The following ANAPC7 variants were observed in gnomAD, a reference collection of about 807,000 sequenced individuals.
ANAPC7 encodes anaphase-promoting complex subunit 7.
A neutral mutation model predicts 63.3 loss-of-function variants in ANAPC7; 25 were observed. The observed-to-expected ratio is 0.39, with a 90% confidence interval of 0.29 to 0.55. The LOEUF (loss-of-function observed/expected upper bound fraction) is 0.55. Among genes scored for constraint, ANAPC7 ranks in the 20% least tolerant of loss-of-function variants. The probability of loss-of-function intolerance (pLI) is 0.57; values close to 1 mark genes in which losing one functional copy is unlikely to be tolerated. For synonymous variants in ANAPC7, 241 were observed against 251.7 expected, an observed-to-expected ratio of 0.96 and a Z score of 0.40; for missense variants, 516 against 691.7, an observed-to-expected ratio of 0.75 and a Z score of 2.85.
In ANAPC7 at chr12:110,377,448, G is replaced by A; in HGVS notation, c.1302C>T (p.Ala434=). 2 of 1,614,096 alleles carry A rather than the reference G, an allele frequency of 1.2e-6. No homozygotes were observed. The highest frequency in any genetic ancestry group is 1.7e-6 in the Non-Finnish European group (2 of 1,180,004). Residue 434 remains alanine (A), a synonymous_variant, in exon 9 of 11, where the codon GCC becomes GCT. Transcript: ENST00000455511. The part of the protein sequence containing the change: ...QEKAKTLLDK[A]LTQRPDYIKA... ...TAATGTAATCTGGCCTTTGGGTCAG[G>A]GCTTTATCTAATAATGTTTTGGCTT...
At chr12:110,386,067 T>C (rs1882422684) in intron 6 of ANAPC7, among the ~76,000 whole-genome samples, 1 of 152,130 alleles carries the variant, frequency 6.6e-6, no homozygotes, top group African/African-American at 2.4e-5. Context: ...GGAGGAGCTA[T>C]GACCCCCTCA....
rs1166549312 is a variant in ANAPC7 at position 110,382,473 on chromosome 12, T to TAC, written c.935+369_935+370insGT. Reference sequence around the variant, plus strand: ...AAAAAAAAAAAAAAATATATATATATATATATATATATATATATATATTTA... The same window carrying TAC: ...AAAAAAAAAAAAAAATATATATATATACATATATATATATATATATATATTTA... On this transcript the variant is annotated intron_variant, in intron 7 of 10. Transcript: ENST00000455511. Among the ~76,000 whole-genome samples the TAC allele has an allele frequency of 3.9e-5, 5 of 127,508 alleles. 1 individual carries two copies. Among genetic ancestry groups the TAC allele is most frequent in the African/African-American group, 1.5e-4 (5 of 33,248 alleles). The allele number at this position is 127,508 out of a possible 152,430, so 83.7% of individuals were successfully genotyped here.
chr12:110,402,962 G>A (rs141246304), intron 1 of ANAPC7, among the ~76,000 whole-genome samples: 4 of 150,452 alleles, frequency 2.7e-5, no homozygotes, highest in African/African-American at 9.8e-5. Flanking sequence ...GGTTGGTCTT[G>A]AACTCCTGGG....
rs189041053 is a variant in ANAPC7, at chr12:110,393,679, C to A, written c.408+1422G>T. Among the ~76,000 whole-genome samples, 13 of 151,886 alleles carry A rather than the reference C, an allele frequency of 8.6e-5. No homozygotes were observed. In the South Asian group the frequency reaches 1.2e-3, roughly 15 times the overall value. ...AGTCGGGAGTTCAAGACCAGCCTGA[C>A]CAACATGGAGAAACCCAGTCTCTAC... On this transcript the variant is annotated intron_variant, in intron 3 of 10. Transcript: ENST00000455511.
chr12:110,400,101 CAGAAAAAAA>C (rs568277676), intron 1 of ANAPC7, among the ~76,000 whole-genome samples: 5 of 146,064 alleles, frequency 3.4e-5, no homozygotes, highest in African/African-American at 5.4e-5. Flanking sequence ...CCCAGAAAAA[CAGAAAAAAA>C]ACAACAAAAA....
intron 10 of ANAPC7, 77 bp from the exon 11 acceptor site, chr12:110,374,410 C>A: frequency 1.4e-6 from 2 of 1,453,676 alleles, no homozygotes; most frequent in South Asian, 2.5e-5. Context: ...CTCCCTGGCC[C>A]GGCAGTGAAA....
At chr12:110,400,675 A>G (rs2062215209) in intron 1 of ANAPC7, among the ~76,000 whole-genome samples, 1 of 152,152 alleles carries the variant, frequency 6.6e-6, no homozygotes, top group African/African-American at 2.4e-5. Context: ...TAAACACATA[A>G]GGCTGACAGA....
At chr12:110,395,701 G>C (rs1431647193) in intron 2 of ANAPC7, among the ~76,000 whole-genome samples, 1 of 152,016 alleles carries the variant, frequency 6.6e-6, no homozygotes, top group South Asian at 2.1e-4. Flanking sequence ...ACCATGCCTG[G>C]CTAATTTTTT....
intron 1 of ANAPC7, among the ~76,000 whole-genome samples, chr12:110,397,573 C>A (rs73206881): frequency 0.15 from 20,844 of 142,744 alleles, 2,165 homozygotes; most frequent in African/African-American, 0.29. Context: ...AAAAAAAAAA[C>A]ACTAAAAACT....
chr12:110,400,508 A>C (rs995109758), intron 1 of ANAPC7, among the ~76,000 whole-genome samples: 2 of 152,220 alleles, frequency 1.3e-5, no homozygotes, highest in Admixed American at 1.3e-4. Flanking sequence ...CCCAATATGA[A>C]AAAGCATGGG....
chr12:110,385,799 A>G (rs908089168), intron 6 of ANAPC7, among the ~76,000 whole-genome samples: 4 of 152,148 alleles, frequency 2.6e-5, no homozygotes, highest in African/African-American at 9.7e-5. Context: ...ACTATTCCTG[A>G]GAACTCACTG....
At position 110,389,949 on chromosome 12, in the gene ANAPC7, A is replaced by C. The variant is rs534179400; in HGVS notation, c.409-1326T>G. Among the ~76,000 whole-genome samples the C allele has an allele frequency of 3.6e-3, 542 of 152,114 alleles. 1 individual carries two copies. Among genetic ancestry groups the C allele is most frequent in the African/African-American group, 0.011 (448 of 41,520 alleles). On this transcript the variant is annotated intron_variant, in intron 3 of 10. Transcript: ENST00000455511. ...TCCGTCTCAAAAAACAACAAAAAAA[A>C]CCCACAAAAACAAAAAAAAAGCCAG...
At chr12:110,403,458 C>T in intron 1 of ANAPC7, 69 bp downstream of exon 1, 1 of 1,512,022 alleles carries the variant, frequency 6.6e-7, no homozygotes, top group Non-Finnish European at 9.0e-7. Context: ...TCCCACGTGC[C>T]CTGAGCCCCC....
rs774268194 is a variant in ANAPC7 at position 110,403,653 on chromosome 12, G to T, written c.-26C>A. The stretch of plus-strand genomic sequence containing the variant: ...CCTGCTCTGCAAAGCCGCGGGCAGC[G>T]GCGGCAGCACTGACTCGAAAAGCCG... On this transcript the variant is annotated 5_prime_UTR_variant, in exon 1 of 11. Transcript: ENST00000455511. 6.4e-7 allele frequency: 1 copy of T among 1,573,982 alleles called. No individual in the cohort carries two copies. The highest frequency in any genetic ancestry group is 1.9e-5 in the Admixed American group (1 of 53,230).
chr12:110,392,907 T>A (rs1438415909), intron 3 of ANAPC7, among the ~76,000 whole-genome samples: 1 of 152,196 alleles, frequency 6.6e-6, no homozygotes, highest in East Asian at 1.9e-4. Flanking sequence ...GCGATTCTCC[T>A]GCCTCAGCCT....
rs1408646658 is a variant in ANAPC7, at chr12:110,373,130, G to C, written c.*1014C>G. 6.6e-6 allele frequency: 1 copy of C among 152,090 alleles called. No individual in the cohort carries two copies. The highest frequency in any genetic ancestry group is 1.9e-4 in the East Asian group (1 of 5,188). The allele number at this position is 152,090 out of a possible 1,614,324, so 9.4% of individuals were successfully genotyped here. Reference sequence around the variant, plus strand: ...ACTTAAGGCACAAGGGAGAGGGTGTGGGAAGAAACTCCCAGCCCCAGAGCT... The same window carrying C: ...ACTTAAGGCACAAGGGAGAGGGTGTCGGAAGAAACTCCCAGCCCCAGAGCT... On this transcript the variant is annotated 3_prime_UTR_variant, in exon 11 of 11. Coordinates refer to ENST00000455511, the MANE Select transcript of ANAPC7 (RefSeq NM_016238.3).
chr12:110,394,867 CATAAAAA>C (rs1331528819), intron 3 of ANAPC7, among the ~76,000 whole-genome samples: 1 of 151,780 alleles, frequency 6.6e-6, no homozygotes, highest in Non-Finnish European at 1.5e-5. Flanking sequence ...TTAAGTTAAA[CATAAAAA>C]ATAAAAAAGA....
intron 1 of ANAPC7, among the ~76,000 whole-genome samples, chr12:110,401,172 A>C (rs2062222418): frequency 6.6e-6 from 1 of 152,360 alleles, no homozygotes; most frequent in South Asian, 2.1e-4. Context: ...ACAGCAGGCC[A>C]AACACTAATA....
intron 5 of ANAPC7, chr12:110,387,291 G>GAGAGAGAGAGAGAGAC (rs1882608115): frequency 3.2e-5 from 4 of 126,310 alleles, no homozygotes; most frequent in African/African-American, 1.3e-4. Context: ...GAGAGACAGA[G>GAGAGAGAGAGAGAGAC]AGAGAGAGAG....
Sources: gnomAD v4.1 joint callset for allele counts (sites outside exome capture counted in the v4.1 genomes callset) on GRCh38, gnomAD v4.1.1 for gene constraint, MANE v1.5 for transcripts, NCBI Gene and HGNC (gene_info 2026-07-23, HGNC 2026-07-21) for gene names.